Variants in CADM2 observed in about 807,000 individuals in gnomAD.
CADM2 encodes immunoglobulin superfamily member 4D.
A neutral mutation model predicts 49.8 loss-of-function variants in CADM2; 12 were observed. The ratio of observed to expected loss-of-function variants is 0.24; its 90% CI spans 0.15 to 0.39. The LOEUF (loss-of-function observed/expected upper bound fraction) is 0.39. CADM2 is among the 10% of genes least tolerant of loss of function. CADM2 has a pLI of 1.00. For synonymous variants in CADM2, 214 were observed against 175.4 expected (o/e 1.22, Z -1.74); for missense variants, 378 against 492.3 (o/e 0.77, Z 2.20).
intron 1 of CADM2, among the ~76,000 whole-genome samples, chr3:85,456,094 G>T (rs2037978330): frequency 6.6e-6 from 1 of 152,144 alleles, no homozygotes; most frequent in Non-Finnish European, 1.5e-5. Context: ...TGGGAGTTTT[G>T]GATCTGCCTG....
intron 1 of CADM2, among the ~76,000 whole-genome samples, chr3:85,057,944 A>G (rs1306141896): frequency 1.3e-5 from 2 of 152,150 alleles, no homozygotes; most frequent in African/African-American, 4.8e-5. Flanking sequence ...AAAATATTTT[A>G]CTGTAGAATT....
intron 1 of CADM2, among the ~76,000 whole-genome samples, chr3:85,268,643 C>A (rs1241893125): frequency 6.6e-6 from 1 of 150,760 alleles, no homozygotes; most frequent in African/African-American, 2.5e-5. Flanking sequence ...TATACTCTCA[C>A]TTAAAATTCA....
At chr3:85,261,491 CT>C (rs1471652543) in intron 1 of CADM2, among the ~76,000 whole-genome samples, 1 of 152,102 alleles carries the variant, frequency 6.6e-6, no homozygotes, top group African/African-American at 2.4e-5. Flanking sequence ...TGTAACACCT[CT>C]TTTGTGAATC....
intron 8 of CADM2, chr3:86,014,151 G>A: frequency 2.3e-6 from 3 of 1,284,828 alleles, no homozygotes. Context: ...AATTTTGGTG[G>A]AACTCCTGCA....
At chr3:85,381,646 G>C (rs774633876) in intron 1 of CADM2, among the ~76,000 whole-genome samples, 4 of 151,216 alleles carry the variant, frequency 2.6e-5, no homozygotes, top group Non-Finnish European at 5.9e-5. Flanking sequence ...CTTGCAGCAA[G>C]ATATGATTAT....
intron 1 of CADM2, among the ~76,000 whole-genome samples, chr3:85,085,457 G>A (rs2037332235): frequency 6.6e-6 from 1 of 151,928 alleles, no homozygotes; most frequent in African/African-American, 2.4e-5. Context: ...ATATAAATAT[G>A]TATGTATGTG....
intron 1 of CADM2, among the ~76,000 whole-genome samples, chr3:85,664,561 A>G (rs2065506942): frequency 6.6e-6 from 1 of 151,890 alleles, no homozygotes; most frequent in South Asian, 2.1e-4. Flanking sequence ...CTACTTTCCC[A>G]TGCAACTAAC....
intron 1 of CADM2, among the ~76,000 whole-genome samples, chr3:85,662,175 A>G (rs1369280441): frequency 6.6e-6 from 1 of 151,174 alleles, no homozygotes; most frequent in African/African-American, 2.4e-5. Context: ...TTGTTTATTA[A>G]TTATTGGTAA....
At chr3:85,573,285 C>G (rs534391269) in intron 1 of CADM2, among the ~76,000 whole-genome samples, 1 of 151,756 alleles carries the variant, frequency 6.6e-6, no homozygotes, top group Non-Finnish European at 1.5e-5. Context: ...CTCTGCTTCC[C>G]GGGTTCAAGT....
chr3:85,547,156 C>T (rs1464143433), intron 1 of CADM2, among the ~76,000 whole-genome samples: 1 of 151,552 alleles, frequency 6.6e-6, no homozygotes, highest in Non-Finnish European at 1.5e-5. Flanking sequence ...TGTATTGATG[C>T]AAAATTTCAT....
intron 3 of CADM2, among the ~76,000 whole-genome samples, chr3:85,863,137 G>T (rs1167174416): frequency 6.6e-6 from 1 of 152,154 alleles, no homozygotes; most frequent in Non-Finnish European, 1.5e-5. Context: ...GGCCTTGAAT[G>T]ACTAAGATAA....
intron 1 of CADM2, among the ~76,000 whole-genome samples, chr3:85,244,987 G>A (rs2042614235): frequency 6.6e-6 from 1 of 152,002 alleles, no homozygotes; most frequent in Non-Finnish European, 1.5e-5. Flanking sequence ...AATGACACCT[G>A]CAATACAGTA....
At chr3:85,385,348 G>C (rs1474156239) in intron 1 of CADM2, among the ~76,000 whole-genome samples, 1 of 152,206 alleles carries the variant, frequency 6.6e-6, no homozygotes, top group Non-Finnish European at 1.5e-5. Context: ...TGTTTGGGAG[G>C]AGAGTGAGCA....
At chr3:85,704,863 A>AT (rs1225336464) in intron 1 of CADM2, among the ~76,000 whole-genome samples, 15 of 148,328 alleles carry the variant, frequency 1.0e-4, no homozygotes, top group East Asian at 3.9e-4. Flanking sequence ...TATTATTATT[A>AT]TTATTTTTTT....
At chr3:85,726,649 C>T (rs1035777212) in intron 2 of CADM2, 101 bp downstream of exon 2, 4 of 839,244 alleles carry the variant, frequency 4.8e-6, no homozygotes, top group Non-Finnish European at 8.0e-6. Context: ...GGTGATAATA[C>T]TATTTCAGTG....
chr3:85,042,898 C>A (rs2035498594), intron 1 of CADM2, among the ~76,000 whole-genome samples: 1 of 152,092 alleles, frequency 6.6e-6, no homozygotes, highest in East Asian at 1.9e-4. Flanking sequence ...GGTAAACATA[C>A]AAATGTTATT....
At chr3:85,528,746 G>T (rs1475423621) in intron 1 of CADM2, among the ~76,000 whole-genome samples, 1 of 152,104 alleles carries the variant, frequency 6.6e-6, no homozygotes, top group Non-Finnish European at 1.5e-5. Context: ...GTTGACATTG[G>T]TGCCTCCATT....
chr3:85,535,540 T>A (rs975096394), intron 1 of CADM2, among the ~76,000 whole-genome samples: 2 of 152,162 alleles, frequency 1.3e-5, no homozygotes, highest in Non-Finnish European at 2.9e-5. Context: ...AAGTATCTTT[T>A]TTGTGGCAAC....
chr3:85,448,941 G>C (rs2037607172), intron 1 of CADM2, among the ~76,000 whole-genome samples: 2 of 151,322 alleles, frequency 1.3e-5, no homozygotes, highest in Admixed American at 1.3e-4. Flanking sequence ...TCCCAGCTAC[G>C]TTGGTGGCTG....
Sources: gnomAD v4.1 joint callset for allele counts (sites outside exome capture counted in the v4.1 genomes callset) on GRCh38, gnomAD v4.1.1 for gene constraint, MANE v1.5 for transcripts, NCBI Gene and HGNC (gene_info 2026-07-23, HGNC 2026-07-21) for gene names.